CSMD2: variants seen among roughly 807,000 people sequenced by gnomAD.
The protein encoded by CSMD2 is CUB and Sushi multiple domains 2, also known as CUB and sushi domain-containing protein 2.
In CSMD2, 130 loss-of-function variants were observed where a neutral mutation model predicts 398.5. The observed-to-expected ratio is 0.33, with a 90% CI of 0.28 to 0.38. The LOEUF (loss-of-function observed/expected upper bound fraction) is 0.38, where lower values mean the gene tolerates loss of function less well. Ranked by LOEUF, CSMD2 falls within the 10% of genes least tolerant of loss-of-function variation. CSMD2 has a pLI of 1.00. For missense variants in CSMD2, 3,829 were observed against 4,764.9 expected, an observed-to-expected ratio of 0.80 and a Z score of 5.78; for synonymous variants, 1,828 against 1,908.5, an observed-to-expected ratio of 0.96 and a Z score of 1.10.
At chr1:33,998,020 T>C (rs79241969) in intron 3 of CSMD2, among the ~76,000 whole-genome samples, 1,728 of 152,232 alleles carry the variant, frequency 0.011, 61 homozygotes, top group East Asian at 0.11. Context: ...CATGTTGAAA[T>C]TTAATCCCCA....
chr1:33,857,936 T>C (rs1327282933), intron 5 of CSMD2, among the ~76,000 whole-genome samples: 2 of 152,330 alleles, frequency 1.3e-5, no homozygotes, highest in East Asian at 3.9e-4. Flanking sequence ...TATCCATAGA[T>C]CACTGTGTGA....
At chr1:33,684,318 A>C (rs2149075828) in intron 25 of CSMD2, among the ~76,000 whole-genome samples, 1 of 152,300 alleles carries the variant, frequency 6.6e-6, no homozygotes, top group South Asian at 2.1e-4. Context: ...CTGAAGTTAA[A>C]AAACAAGGAC....
intron 2 of CSMD2, among the ~76,000 whole-genome samples, chr1:34,073,953 G>A (rs891392725): frequency 3.9e-5 from 6 of 152,226 alleles, no homozygotes; most frequent in African/African-American, 1.4e-4. Flanking sequence ...GGCAAAGGGG[G>A]AATAAGCACA....
chr1:33,842,919 T>G (rs1660998922), intron 6 of CSMD2, among the ~76,000 whole-genome samples: 1 of 152,224 alleles, frequency 6.6e-6, no homozygotes, highest in South Asian at 2.1e-4. Context: ...CATGCTTTCT[T>G]GCCTTTGCTT....
At chr1:33,972,964 C>G (rs138146600) in intron 3 of CSMD2, among the ~76,000 whole-genome samples, 76 of 152,338 alleles carry the variant, frequency 5.0e-4, no homozygotes, top group African/African-American at 1.3e-3. Context: ...TCAGGCTTCT[C>G]CCTTGCAGAC....
At chr1:33,538,376 T>C (rs1378306066) in intron 60 of CSMD2, among the ~76,000 whole-genome samples, 3 of 152,200 alleles carry the variant, frequency 2.0e-5, no homozygotes, top group Admixed American at 6.5e-5. Context: ...CATGTTAACA[T>C]CAGGCAGTGC....
At chr1:33,729,627 C>A (rs1473127067) in intron 15 of CSMD2, among the ~76,000 whole-genome samples, 2 of 150,854 alleles carry the variant, frequency 1.3e-5, no homozygotes, top group East Asian at 3.9e-4. Context: ...CTATCCCTCC[C>A]CCCTCCCCCC....
chr1:33,772,489 CG>C, intron 13 of CSMD2, 79 bp downstream of exon 13: 3 of 1,385,638 alleles, frequency 2.2e-6, no homozygotes, highest in Middle Eastern at 2.6e-4. Flanking sequence ...TTCCCAGGGA[CG>C]GGGCCCCTGG....
chr1:34,147,133 G>A (rs771139), intron 1 of CSMD2, among the ~76,000 whole-genome samples: 4 of 151,814 alleles, frequency 2.6e-5, no homozygotes, highest in Non-Finnish European at 4.4e-5. Flanking sequence ...TGGCAGGCGC[G>A]TGTAGTCCCA....
chr1:34,108,650 G>A (rs913885513), intron 1 of CSMD2, among the ~76,000 whole-genome samples: 1 of 152,224 alleles, frequency 6.6e-6, no homozygotes, highest in Non-Finnish European at 1.5e-5. Context: ...GTAACAAAGA[G>A]AATTGGTGAG....
At chr1:33,995,076 GA>G (rs60875643) in intron 3 of CSMD2, among the ~76,000 whole-genome samples, 35,119 of 126,908 alleles carry the variant, frequency 0.28, 4,901 homozygotes, top group Non-Finnish European at 0.36. Flanking sequence ...AAAAAGAAAA[GA>G]AAAAAAAAAA....
At chr1:33,999,562 AT>A (rs34721676) in intron 3 of CSMD2, among the ~76,000 whole-genome samples, 44 of 146,876 alleles carry the variant, frequency 3.0e-4, no homozygotes, top group Admixed American at 2.7e-4. Context: ...CACCCAGCTA[AT>A]TTTTTTTTTT....
At chr1:33,678,648 G>A (rs184566470) in intron 25 of CSMD2, among the ~76,000 whole-genome samples, 1 of 152,082 alleles carries the variant, frequency 6.6e-6, no homozygotes, top group Admixed American at 6.5e-5. Flanking sequence ...AATAATACTT[G>A]TTTTATCAAA....
chr1:33,905,797 C>T (rs148042127), intron 5 of CSMD2, among the ~76,000 whole-genome samples: 5 of 152,270 alleles, frequency 3.3e-5, no homozygotes, highest in African/African-American at 1.2e-4. Context: ...TGGCCTTTGA[C>T]AGGAACCACG....
chr1:34,140,384 T>G (rs1275749975), intron 1 of CSMD2, among the ~76,000 whole-genome samples: 1 of 150,614 alleles, frequency 6.6e-6, no homozygotes, highest in Non-Finnish European at 1.5e-5. Flanking sequence ...AGGCTGAAAT[T>G]CTGGCTCTCC....
intron 12 of CSMD2, among the ~76,000 whole-genome samples, chr1:33,782,003 CT>C (rs1274594737): frequency 1.3e-5 from 2 of 151,894 alleles, no homozygotes; most frequent in Non-Finnish European, 2.9e-5. Context: ...AAGGATGATA[CT>C]GGAGTGCCAC....
chr1:33,733,939 A>G (rs748315991), intron 15 of CSMD2, among the ~76,000 whole-genome samples: 56 of 152,222 alleles, frequency 3.7e-4, no homozygotes, highest in Non-Finnish European at 5.7e-4. Flanking sequence ...GTATGTGCTC[A>G]ATGATTACCA....
intron 22 of CSMD2, among the ~76,000 whole-genome samples, chr1:33,708,344 G>A (rs1645872354): frequency 6.6e-6 from 1 of 152,020 alleles, no homozygotes; most frequent in Non-Finnish European, 1.5e-5. Context: ...ATGCACAAGT[G>A]CACATACACA....
In CSMD2 at chr1:33,633,457, G is replaced by T; in HGVS notation, c.5165C>A (p.Ser1722Ter). The change falls in exon 32 of 71, where the codon TCG (serine) becomes TAG (stop). Residue 1722 changes from serine to a stop codon, truncating the protein, a stop_gained. Transcript: ENST00000373381. LOFTEE classifies it high-confidence loss of function. This position sits in a 1 kb window ranked among gnomAD's most constrained non-coding sequence, Gnocchi z 5.0. ...GCCCGAGAGGGAGCTGAGGAGCCGC[G>T]AGTGCTGGCTGTGGCCGTCGTGAAC... Reference protein sequence around the residue: ...VEVHDGHSQHSRLLSSLSGSH... With the variant: ...VEVHDGHSQH 2 of 1,554,278 alleles carry T rather than the reference G, an allele frequency of 1.3e-6. No individual in the cohort carries two copies. The highest frequency in any genetic ancestry group is 1.7e-6 in the Non-Finnish European group (2 of 1,148,466).
Sources: allele counts gnomAD v4.1 joint callset (sites outside exome capture counted in the v4.1 genomes callset), GRCh38; gene constraint gnomAD v4.1.1; non-coding constraint Gnocchi (gnomAD v3.1); transcripts MANE v1.5; gene names NCBI Gene and HGNC (gene_info 2026-07-23, HGNC 2026-07-21).